C17orf58: variants seen among roughly 807,000 people sequenced by gnomAD.
C17orf58 encodes UPF0450 protein C17orf58.
Under a neutral mutation model 7.4 loss-of-function variants are expected in C17orf58, and 5 were observed. The observed-to-expected ratio is 0.67, with a 90% CI of 0.35 to 1.42. The LOEUF (loss-of-function observed/expected upper bound fraction) is 1.42, where lower values mean the gene tolerates loss of function less well. Among genes scored for constraint, C17orf58 ranks in the 40% most tolerant of loss-of-function variants. The pLI is 0.04. For missense variants in C17orf58, 162 were observed against 174.2 expected, an observed-to-expected ratio of 0.93 and a Z score of 0.40; for synonymous variants, 60 against 70.6, an observed-to-expected ratio of 0.85 and a Z score of 0.75.
At chr17:67,994,510 G>GGATATATATATATATATA (rs1555699603) in intron 1 of C17orf58, among the ~76,000 whole-genome samples, 1 of 71,510 alleles carries the variant, frequency 1.4e-5, no homozygotes, top group Admixed American at 1.5e-4. Context: ...GTGTGTGTGT[G>GGATATATATATATATATA]TGTGTGTATA....
rs782406897 is a variant in C17orf58 at position 67,991,943 on chromosome 17, A to AATCTGCCCTTCCCTTTTTCG, written c.970_989dup (p.Gln331GlufsTer56). The AATCTGCCCTTCCCTTTTTCG allele has an allele frequency of 4.3e-6, 7 of 1,612,420 alleles. No homozygotes were observed. The highest frequency in any genetic ancestry group is 5.9e-6 in the Non-Finnish European group (7 of 1,179,218). On this transcript the variant is annotated frameshift_variant, in exon 4 of 4. Transcript: ENST00000580729. LOFTEE classifies it high-confidence loss of function. ...TGCATTGGGTATGAATTGCACCTTG[A>AATCTGCCCTTCCCTTTTTCG]ATCTGCCCTTCCCTTTTTCGATTAA...
Position 67,993,404 on chromosome 17 carries a change from G to GGGGAA in C17orf58, c.637+19_637+20insTTCCC. 3.5e-6 allele frequency: 2 copies of GGGGAA among 575,344 alleles called. No homozygotes were observed. The highest frequency in any genetic ancestry group is 3.1e-6 in the Non-Finnish European group (1 of 327,680). The allele number at this position is 575,344 out of a possible 1,614,324, so 35.6% of individuals were successfully genotyped here. On this transcript the variant is annotated intron_variant, in intron 2 of 3. Coordinates refer to ENST00000580729, the MANE Select transcript of C17orf58 (RefSeq NM_001382359.1). This position sits in a 1 kb window ranked among gnomAD's most constrained non-coding sequence, Gnocchi z 5.1. ...AAGGCTCGCGGGGCGGCGGGGCGGC[G>GGGGAA]GCGCGGCGGCCGGGCTCACCGAATT...
chr17:67,994,663 A>G (rs1263645106), intron 1 of C17orf58, among the ~76,000 whole-genome samples: 4 of 151,728 alleles, frequency 2.6e-5, no homozygotes, highest in Admixed American at 6.6e-5. Flanking sequence ...TGACAACAGA[A>G]CTATTTGGTT....
chr17:67,993,414 C>T lies in C17orf58; in HGVS notation c.637+10G>A. The T allele has an allele frequency of 1.8e-6, 1 of 564,768 alleles. No individual in the cohort carries two copies. The highest frequency in any genetic ancestry group is 4.8e-4 in the Middle Eastern group (1 of 2,098). The allele number at this position is 564,768 out of a possible 1,614,324, so 35.0% of individuals were successfully genotyped here. A position where few individuals can be genotyped will look rare whatever the true frequency, so the allele number is the denominator to read the frequency against. ...GGGCGGCGGGGCGGCGGCGCGGCGG[C>T]CGGGCTCACCGAATTCGCTCTCGCA... On this transcript the variant is annotated intron_variant, in intron 2 of 3. Transcript: ENST00000580729. This position sits in a 1 kb window ranked among gnomAD's most constrained non-coding sequence, Gnocchi z 5.1.
chr17:67,995,229 A>G (rs1378676066), intron 1 of C17orf58, among the ~76,000 whole-genome samples: 3 of 152,222 alleles, frequency 2.0e-5, no homozygotes, highest in Non-Finnish European at 4.4e-5. Flanking sequence ...TTTTGCAAAG[A>G]GGTTGATTCT....
chr17:67,994,869 T>TTTCC (rs1555699673), intron 1 of C17orf58, among the ~76,000 whole-genome samples: 1 of 151,986 alleles, frequency 6.6e-6, no homozygotes, highest in Non-Finnish European at 1.5e-5. Context: ...CCCCATTAGA[T>TTTCC]GATGGAGGAA....
At chr17:67,994,506 G>GTATATATATATA (rs1486317778) in intron 1 of C17orf58, among the ~76,000 whole-genome samples, 21 of 16,376 alleles carry the variant, frequency 1.3e-3, no homozygotes, top group East Asian at 8.6e-3. Flanking sequence ...GTGTGTGTGT[G>GTATATATATATA]TGTGTGTGTG....
At chr17:67,995,372 A>G (rs2070883747) in intron 1 of C17orf58, among the ~76,000 whole-genome samples, 1 of 152,222 alleles carries the variant, frequency 6.6e-6, no homozygotes, top group Non-Finnish European at 1.5e-5. Context: ...GTCATGGGAA[A>G]GATTGTCTGA....
At position 67,994,236 on chromosome 17, in the gene C17orf58, A is replaced by G. The variant is rs1555699564; in HGVS notation, c.77-252T>C. On this transcript the variant is annotated intron_variant, in intron 1 of 3. Coordinates refer to ENST00000580729, the MANE Select transcript of C17orf58 (RefSeq NM_001382359.1). ...AGGCTTCGCAGGCACCTGCAAGAGGAGAGATGGGAGGGAGGCCCGGAGGCC... is the reference window on the plus strand; with the variant it reads ...AGGCTTCGCAGGCACCTGCAAGAGGGGAGATGGGAGGGAGGCCCGGAGGCC... 2.0e-5 allele frequency among the ~76,000 whole-genome samples: 3 copies of G among 151,374 alleles called. No individual in the cohort carries two copies. In the East Asian group the frequency reaches 5.9e-4, roughly 30 times the overall value.
chr17:67,993,354 G>A lies in C17orf58; in HGVS notation c.637+70C>T. On this transcript the variant is annotated intron_variant, in intron 2 of 3. Transcript: ENST00000580729. The surrounding 1 kb of genome is among the most constrained non-coding windows in gnomAD (Gnocchi z 5.1). ...CACGGGTCAGGCGCCCTGGGATCTC[G>A]CGGGCGGATTCTCCGGGGCTCGGAA... is the stretch of plus-strand genomic sequence containing the variant. 1 of 658,484 alleles carries A rather than the reference G, an allele frequency of 1.5e-6. No homozygotes were observed. The highest frequency in any genetic ancestry group is 2.9e-5 in the East Asian group (1 of 34,982). 40.8% of individuals were successfully genotyped at this position (658,484 alleles called of 1,614,324 possible). A position where few individuals can be genotyped will look rare whatever the true frequency, so the allele number is the denominator to read the frequency against.
At position 67,996,192 on chromosome 17, in the gene C17orf58, C is replaced by T. The variant is rs1441138437; in HGVS notation, c.7G>A (p.Ala3Thr). The change falls in exon 1 of 4, where the codon GCT becomes ACT. Residue 3 changes from alanine (A) to threonine (T), a missense_variant. Ala to Thr is a moderately conservative substitution (Grantham distance 58, BLOSUM62 0). Transcript: ENST00000580729. ...AAACAGAGGAGCCAGAAAGCTCTAG[C>T]TGTCATTTTTGCAGACAGGGTTCCC... MTARAFWLLCLIV... is the reference protein window; with the variant it reads MTTRAFWLLCLIV... 7.5e-6 allele frequency: 3 copies of T among 398,956 alleles called. No homozygotes were observed. The highest frequency in any genetic ancestry group is 2.1e-5 in the African/African-American group (1 of 48,630). 24.7% of individuals were successfully genotyped at this position (398,956 alleles called of 1,614,324 possible). A position where few individuals can be genotyped will look rare whatever the true frequency, so the allele number is the denominator to read the frequency against.
chr17:67,991,930 G>C lies in C17orf58; in HGVS notation c.1003C>G (p.His335Asp), dbSNP rs782032583. 6.2e-7 allele frequency: 1 copy of C among 1,611,488 alleles called. No homozygotes were observed. Among genetic ancestry groups the C allele is most frequent in the South Asian group, 1.1e-5 (1 of 90,246 alleles). Residue 335 changes from histidine to aspartate, a missense_variant, in exon 4 of 4, where the codon CAT becomes GAT. His to Asp is a moderately conservative substitution (Grantham distance 81). Coordinates refer to ENST00000580729, the MANE Select transcript of C17orf58 (RefSeq NM_001382359.1). ...TGGTTGTTTCAAATGCATTGGGTAT[G>C]AATTGCACCTTGAATCTGCCCTTCC... is the stretch of plus-strand genomic sequence containing the variant. ...KREGQIQGAI[H>D]TQCI
Position 67,991,980 on chromosome 17 carries a change from T to C in C17orf58, c.953A>G (p.Tyr318Cys), listed in dbSNP as rs1680198191. ...CCTTTTTCGATTAAACCTTTTCACA[T>C]AGCTGCTGCTGCTCCTTAGCAGTCC... ...GDGLLRSSSS[Y>C]VKRFNRKREG... Residue 318 changes from tyrosine to cysteine, a missense_variant, in exon 4 of 4, where the codon TAT (tyrosine) becomes TGT (cysteine). Coordinates refer to ENST00000580729, the MANE Select transcript of C17orf58 (RefSeq NM_001382359.1). 6.2e-7 allele frequency: 1 copy of C among 1,613,242 alleles called. No individual in the cohort carries two copies. The highest frequency in any genetic ancestry group is 8.5e-7 in the Non-Finnish European group (1 of 1,179,600).
chr17:67,992,905 C>G lies in C17orf58; in HGVS notation c.829+139G>C, dbSNP rs1286914199. On this transcript the variant is annotated intron_variant, in intron 3 of 3. Coordinates refer to ENST00000580729, the MANE Select transcript of C17orf58 (RefSeq NM_001382359.1). ...ACAGAGTGGCCGGAATAATACCTGT[C>G]GTCTAAATCCCATTCATGTCATTGT... 8 of 1,613,636 alleles carry G rather than the reference C, an allele frequency of 5.0e-6. No homozygotes were observed. The African/African-American group carries it at 5.3e-5, about 11-fold the overall frequency.
At position 67,992,047 on chromosome 17, in the gene C17orf58, C is replaced by G. The variant is rs2070838123; in HGVS notation, c.886G>C (p.Ala296Pro). ...CGGCCTCTCAGGACCTGGAGCAGAG[C>G]TGTAGGGAGCTGCCGTCTCTTATGG... ...IYHKRRQLPT[A>P]LLQVLRGRLR... The change falls in exon 4 of 4, where the codon GCT (alanine) becomes CCT (proline). Residue 296 changes from alanine (A) to proline (P), a missense_variant. Coordinates refer to ENST00000580729, the MANE Select transcript of C17orf58 (RefSeq NM_001382359.1). 2 of 1,611,162 alleles carry G rather than the reference C, an allele frequency of 1.2e-6. No individual in the cohort carries two copies. Among genetic ancestry groups the G allele is most frequent in the East Asian group, 4.5e-5 (2 of 44,844 alleles).
chr17:67,991,817 C>G lies in C17orf58; in HGVS notation c.*96G>C. 2 of 1,027,438 alleles carry G rather than the reference C, an allele frequency of 1.9e-6. No homozygotes were observed. Among genetic ancestry groups the G allele is most frequent in the Non-Finnish European group, 2.8e-6 (2 of 704,354 alleles). 63.6% of individuals were successfully genotyped at this position (1,027,438 alleles called of 1,614,324 possible). A position where few individuals can be genotyped will look rare whatever the true frequency, so the allele number is the denominator to read the frequency against. On this transcript the variant is annotated 3_prime_UTR_variant, in exon 4 of 4. Transcript: ENST00000580729. ...CATTCACAGAGTAGCTGAGGGCTCTCTTCTGAAGGAGGACCCATTACATGA... is the reference window on the plus strand; with the variant it reads ...CATTCACAGAGTAGCTGAGGGCTCTGTTCTGAAGGAGGACCCATTACATGA...
intron 3 of C17orf58, chr17:67,992,788 C>T: frequency 7.6e-7 from 1 of 1,309,738 alleles, no homozygotes; most frequent in Non-Finnish European, 1.0e-6. Context: ...GGTCGTCCAC[C>T]CCATTTGTCA....
rs782164024 is a variant in C17orf58 at position 67,993,098 on chromosome 17, T to C, written c.775A>G (p.Met259Val). 1.1e-5 allele frequency: 17 copies of C among 1,613,958 alleles called. No individual in the cohort carries two copies. The highest frequency in any genetic ancestry group is 1.3e-5 in the African/African-American group (1 of 74,924). The change falls in exon 3 of 4, where the codon ATG becomes GTG. Residue 259 changes from methionine (M) to valine (V), a missense_variant. This residue lies in a region of C17orf58 where 93 missense variants were observed against 90.4 expected (regional missense o/e 1.03). Transcript: ENST00000580729. The surrounding 1 kb of genome is among the most constrained non-coding windows in gnomAD (Gnocchi z 5.1). ...CAGCTGGAGGAGTCCAGGGCTAACATGTGGACTCGGAAGAAGAAGCCGTCG... is the reference window on the plus strand; with the variant it reads ...CAGCTGGAGGAGTCCAGGGCTAACACGTGGACTCGGAAGAAGAAGCCGTCG... ...TPDGFFFRVH[M>V]LALDSSSCNK...
intron 1 of C17orf58, among the ~76,000 whole-genome samples, chr17:67,995,308 T>C (rs538137420): frequency 6.6e-6 from 1 of 152,364 alleles, no homozygotes; most frequent in East Asian, 1.9e-4. Flanking sequence ...ATCCAATTCC[T>C]GACTGTCAAC....
Sources: gnomAD v4.1 joint callset for allele counts (sites outside exome capture counted in the v4.1 genomes callset) on GRCh38, gnomAD v4.1.1 for gene constraint, gnomAD v4.1.1 regional missense constraint, Gnocchi (gnomAD v3.1) non-coding constraint, MANE v1.5 for transcripts, NCBI Gene and HGNC (gene_info 2026-07-23, HGNC 2026-07-21) for gene names.